The following GARNL3 variants were observed in gnomAD, a reference collection of about 807,000 sequenced individuals.
GARNL3 encodes the protein GTPase activating Rap/RanGAP domain like 3.
A neutral mutation model predicts 125.0 loss-of-function variants in GARNL3; 63 were observed. The observed-to-expected ratio is 0.50, with a 90% CI of 0.41 to 0.62. The LOEUF is 0.62. Among genes scored for constraint, GARNL3 ranks in the 20% least tolerant of loss-of-function variants. GARNL3 has a pLI of 0.00. For synonymous variants in GARNL3, 439 were observed against 457.5 expected, an observed-to-expected ratio of 0.96 and a Z score of 0.52; for missense variants, 994 against 1,244.0, an observed-to-expected ratio of 0.80 and a Z score of 3.02.
At chr9:127,294,669 G>A (rs1474719604) in intron 2 of GARNL3, among the ~76,000 whole-genome samples, 1 of 152,184 alleles carries the variant, frequency 6.6e-6, no homozygotes, top group African/African-American at 2.4e-5. Flanking sequence ...TGGGAGGGTT[G>A]ATCTGAATAA....
intron 22 of GARNL3, among the ~76,000 whole-genome samples, chr9:127,369,335 C>G (rs941532560): frequency 6.6e-6 from 1 of 152,180 alleles, no homozygotes; most frequent in African/African-American, 2.4e-5. Context: ...TTCCTGTACC[C>G]CCGTGGAGAT....
rs1331503244 is a variant in GARNL3 at position 127,225,406 on chromosome 9, A to G, written c.-29+1068A>G. ...GGGTGCAGCTTCGAGAGCCCAAGGT[A>G]CTGCGGACGGGGAGGGGTGCGGCCG... On this transcript the variant is annotated intron_variant, in intron 1 of 10. Transcript: ENST00000439286. The G allele has an allele frequency of 1.1e-5, 11 of 979,728 alleles. No homozygotes were observed. In the East Asian group the frequency reaches 1.3e-3, roughly 115 times the overall value. The allele number at this position is 979,728 out of a possible 1,614,324, so 60.7% of individuals were successfully genotyped here. A position where few individuals can be genotyped will look rare whatever the true frequency, so the allele number is the denominator to read the frequency against.
intron 18 of GARNL3, 33 bp downstream of exon 18, chr9:127,353,977 G>A (rs767264311): frequency 7.6e-6 from 11 of 1,451,360 alleles, no homozygotes; most frequent in African/African-American, 1.4e-5. Flanking sequence ...ATGCTGTGGA[G>A]GAAGGAAAAC....
intron 12 of GARNL3, among the ~76,000 whole-genome samples, chr9:127,339,289 T>C (rs1588887011): frequency 1.5e-5 from 2 of 129,338 alleles, no homozygotes; most frequent in African/African-American, 6.7e-5. Flanking sequence ...AGAGCGAGAC[T>C]CCGTCTCAAA....
chr9:127,226,012 A>G (rs1234739453), intron 1 of GARNL3, among the ~76,000 whole-genome samples: 5 of 152,310 alleles, frequency 3.3e-5, no homozygotes, highest in Non-Finnish European at 7.4e-5. Flanking sequence ...ACGTCGCTCA[A>G]GTCGGCCCTA....
At position 127,254,930 on chromosome 9, in the gene GARNL3, A is replaced by T. The variant is rs2063472059; in HGVS notation, c.144-10022A>T. Among the ~76,000 whole-genome samples the T allele has an allele frequency of 2.6e-5, 4 of 152,316 alleles. No homozygotes were observed. The South Asian group carries it at 8.3e-4, about 32-fold the overall frequency. On this transcript the variant is annotated intron_variant, in intron 2 of 10. Transcript: ENST00000439286. ...AGCTCTTGAGCTATCAGAGGAATGC[A>T]AATTAAAGCCGTACCTCAGTGAGAC... is the stretch of plus-strand genomic sequence containing the variant.
intron 1 of GARNL3, among the ~76,000 whole-genome samples, chr9:127,276,924 C>A (rs2063972122): frequency 6.6e-6 from 1 of 152,220 alleles, no homozygotes; most frequent in Non-Finnish European, 1.5e-5. Context: ...TCATCCCCAT[C>A]TTACAGATGA....
chr9:127,272,702 C>T (rs373071607), intron 1 of GARNL3, among the ~76,000 whole-genome samples: 1 of 152,186 alleles, frequency 6.6e-6, no homozygotes, highest in Non-Finnish European at 1.5e-5. Context: ...TGGTCTTGAT[C>T]TCCTGACCTC....
At chr9:127,347,842 A>G (rs544068845) in intron 16 of GARNL3, among the ~76,000 whole-genome samples, 4 of 152,256 alleles carry the variant, frequency 2.6e-5, no homozygotes, top group African/African-American at 9.6e-5. Flanking sequence ...AGAACATCAC[A>G]AGTTCCATCT....
Position 127,336,994 on chromosome 9 carries a change from T to C in GARNL3, c.982+758T>C, listed in dbSNP as rs528891817. Reference sequence around the variant, plus strand: ...TTTCCCTGGAGGCTCCAAGTAAACATGTTTGGAGACAGGCCCACGGTGACT... The same window carrying C: ...TTTCCCTGGAGGCTCCAAGTAAACACGTTTGGAGACAGGCCCACGGTGACT... On this transcript the variant is annotated intron_variant, in intron 11 of 27. Coordinates refer to ENST00000373387, the MANE Select transcript of GARNL3 (RefSeq NM_032293.5). Among the ~76,000 whole-genome samples the C allele has an allele frequency of 9.3e-4, 141 of 152,324 alleles. No individual in the cohort carries two copies. The Middle Eastern group carries it at 0.01, about 11-fold the overall frequency.
rs1340491632 is a variant in GARNL3, at chr9:127,387,174, GCT to G, written c.2389-12_2389-11del. The G allele has an allele frequency of 6.2e-7, 1 of 1,606,810 alleles. No homozygotes were observed. Among genetic ancestry groups the G allele is most frequent in the Non-Finnish European group, 8.5e-7 (1 of 1,175,758 alleles). On this transcript the variant is annotated splice_polypyrimidine_tract_variant and intron_variant, in intron 24 of 27. Transcript: ENST00000373387. ...CTAGAACACCAGGCAGCCCGGTAAT[GCT>G]CTCTCTTCCTTTCTAGTCGGATATA...
At position 127,373,963 on chromosome 9, in the gene GARNL3, G is replaced by A. The variant is rs142487832; in HGVS notation, c.2161+8597G>A. ...GGAGACTGCAGTGAGCCAAGATCAG[G>A]CTACTGCACTCCAGCCTGGGTGACA... On this transcript the variant is annotated intron_variant, in intron 22 of 27. Coordinates refer to ENST00000373387, the MANE Select transcript of GARNL3 (RefSeq NM_032293.5). Among the ~76,000 whole-genome samples the A allele has an allele frequency of 4.9e-3, 740 of 152,204 alleles. 1 individual carries two copies. Among genetic ancestry groups the A allele is most frequent in the African/African-American group, 0.017 (711 of 41,516 alleles).
At chr9:127,235,920 T>A (rs1009983877) in intron 1 of GARNL3, among the ~76,000 whole-genome samples, 2 of 152,246 alleles carry the variant, frequency 1.3e-5, no homozygotes, top group African/African-American at 4.8e-5. Flanking sequence ...TTTGTTTGTA[T>A]GTTTTTGTTT....
chr9:127,389,107 A>G lies in GARNL3; in HGVS notation c.2731A>G (p.Arg911Gly). Residue 911 changes from arginine (R) to glycine (G), a missense_variant, in exon 26 of 28, where the codon AGG (arginine) becomes GGG (glycine). Coordinates refer to ENST00000373387, the MANE Select transcript of GARNL3 (RefSeq NM_032293.5). The part of the protein sequence containing the change: ...EIKEIASRTR[R>G]ELLGLSDEGG... ...CAAAGAAATAGCAAGCAGGACCCGC[A>G]GGGAACTACTGGGTAATGGTTCTCA... 1 of 1,613,014 alleles carries G rather than the reference A, an allele frequency of 6.2e-7. No individual in the cohort carries two copies. Among genetic ancestry groups the G allele is most frequent in the Non-Finnish European group, 8.5e-7 (1 of 1,179,006 alleles).
At chr9:127,243,009 A>G (rs990409556) in intron 1 of GARNL3, 13 of 1,245,228 alleles carry the variant, frequency 1.0e-5, no homozygotes, top group Middle Eastern at 3.1e-4. Flanking sequence ...GGAGGAGGGT[A>G]AAGCAGGCCA....
At chr9:127,376,062 G>A (rs542375589) in intron 22 of GARNL3, among the ~76,000 whole-genome samples, 57 of 152,256 alleles carry the variant, frequency 3.7e-4, no homozygotes, top group African/African-American at 1.3e-3. Context: ...GGGTTCAAGC[G>A]ATTCTCATGC....
Position 127,342,518 on chromosome 9 carries a change from T to G in GARNL3, c.1251+184T>G, listed in dbSNP as rs528307666. On this transcript the variant is annotated intron_variant, in intron 14 of 27. Transcript: ENST00000373387. Reference sequence around the variant, plus strand: ...CATTGTGACACAAGAAGGAAGGACATTGGGTTTCCATACACAGGAATGCGA... The same window carrying G: ...CATTGTGACACAAGAAGGAAGGACAGTGGGTTTCCATACACAGGAATGCGA... Among the ~76,000 whole-genome samples the G allele has an allele frequency of 2.6e-5, 4 of 152,110 alleles. No individual in the cohort carries two copies. In the East Asian group the frequency reaches 5.8e-4, roughly 22 times the overall value.
intron 1 of GARNL3, among the ~76,000 whole-genome samples, chr9:127,277,409 TGTGTCC>T (rs1208573051): frequency 6.7e-6 from 1 of 149,846 alleles, no homozygotes. Flanking sequence ...TTACATCTAG[TGTGTCC>T]GTGTCCTCAG....
intron 7 of GARNL3, among the ~76,000 whole-genome samples, chr9:127,329,618 A>G (rs903198868): frequency 6.8e-6 from 1 of 147,284 alleles, no homozygotes; most frequent in South Asian, 2.3e-4. Context: ...AAAACCTTTT[A>G]AAAGCATTGG....
Sources: allele counts gnomAD v4.1 joint callset (sites outside exome capture counted in the v4.1 genomes callset), GRCh38; gene constraint gnomAD v4.1.1; transcripts MANE v1.5; gene names NCBI Gene and HGNC (gene_info 2026-07-23, HGNC 2026-07-21).